The following CTNNA2 variants were observed in gnomAD, a reference collection of about 807,000 sequenced individuals.
The protein encoded by CTNNA2 is catenin alpha 2, also known as catenin alpha-2.
CTNNA2 carries 42 observed loss-of-function variants against 101.0 expected under a neutral mutation model. The observed-to-expected ratio is 0.42, with a 90% CI of 0.32 to 0.54. CTNNA2 has a LOEUF of 0.54. CTNNA2 is among the 20% of genes least tolerant of loss of function. CTNNA2 has a pLI of 0.14. For missense variants in CTNNA2, 871 were observed against 1,223.1 expected (o/e 0.71, Z 4.29); for synonymous variants, 450 against 456.4 (o/e 0.99, Z 0.18).
chr2:80,261,225 A>G (rs1056690575), intron 7 of CTNNA2, among the ~76,000 whole-genome samples: 1 of 152,112 alleles, frequency 6.6e-6, no homozygotes, highest in Non-Finnish European at 1.5e-5. Flanking sequence ...TGTATTTGCT[A>G]ACTTTATTTT....
At chr2:80,050,679 A>T (rs1696818360) in intron 7 of CTNNA2, among the ~76,000 whole-genome samples, 1 of 152,062 alleles carries the variant, frequency 6.6e-6, no homozygotes, top group Non-Finnish European at 1.5e-5. Flanking sequence ...ACCCTAACTG[A>T]AGAGAACATT....
intron 7 of CTNNA2, among the ~76,000 whole-genome samples, chr2:80,320,915 T>C (rs1678614953): frequency 6.6e-6 from 1 of 152,164 alleles, no homozygotes; most frequent in Non-Finnish European, 1.5e-5. Context: ...CCAAAATATG[T>C]CTCCACATTT....
At chr2:79,792,812 A>G (rs1675389407) in intron 3 of CTNNA2, among the ~76,000 whole-genome samples, 1 of 152,204 alleles carries the variant, frequency 6.6e-6, no homozygotes, top group South Asian at 2.1e-4. Context: ...CAACAAAATG[A>G]CACATTTCTG....
intron 7 of CTNNA2, among the ~76,000 whole-genome samples, chr2:80,110,518 A>C (rs1313798540): frequency 6.6e-6 from 1 of 152,152 alleles, no homozygotes; most frequent in Non-Finnish European, 1.5e-5. Flanking sequence ...AATAAATGCT[A>C]TGAGAATTAA....
chr2:79,376,342 C>T (rs948760833), intron 4 of CTNNA2, among the ~76,000 whole-genome samples: 2 of 152,094 alleles, frequency 1.3e-5, no homozygotes, highest in Middle Eastern at 3.2e-3. Flanking sequence ...TTCTAAGCCC[C>T]ATGTGGTTTC....
intron 1 of CTNNA2, among the ~76,000 whole-genome samples, chr2:79,636,019 T>C (rs1318819978): frequency 6.8e-6 from 1 of 147,930 alleles, no homozygotes; most frequent in Admixed American, 6.7e-5. Context: ...CCCAGCACTT[T>C]GGGAGGCTGA....
At chr2:79,888,093 G>A (rs925458773) in intron 6 of CTNNA2, among the ~76,000 whole-genome samples, 1 of 152,164 alleles carries the variant, frequency 6.6e-6, no homozygotes. Context: ...GTCTACCTAT[G>A]ACAACCTTCT....
chr2:79,756,052 AGCTGAGGGCC>A (rs745524346), intron 3 of CTNNA2, among the ~76,000 whole-genome samples: 21,797 of 152,144 alleles, frequency 0.14, 1,654 homozygotes, highest in Middle Eastern at 0.22. Flanking sequence ...AGTTTGCATT[AGCTGAGGGCC>A]CAGGAGTACT....
intron 7 of CTNNA2, among the ~76,000 whole-genome samples, chr2:80,143,310 T>A (rs12465791): frequency 0.13 from 19,947 of 152,220 alleles, 2,175 homozygotes; most frequent in African/African-American, 0.3. Context: ...TTTGGGACTG[T>A]CAAATCATAA....
At chr2:79,377,995 A>G (rs955432934) in intron 4 of CTNNA2, among the ~76,000 whole-genome samples, 2 of 152,114 alleles carry the variant, frequency 1.3e-5, no homozygotes, top group African/African-American at 4.8e-5. Flanking sequence ...CATTCTTGAC[A>G]TGCATGTGGC....
rs555676991 is a variant in CTNNA2 at position 79,415,131 on chromosome 2, A to G, written c.-135+41118A>G. On this transcript the variant is annotated intron_variant, in intron 4 of 21. Coordinates refer to the CTNNA2 transcript ENST00000466387. The stretch of plus-strand genomic sequence containing the variant: ...AATGGGGCCTAATGGGAGGTATTGG[A>G]TCATGGCAATAGGTCCCTCATGAAT... Among the ~76,000 whole-genome samples, 3 of 152,212 alleles carry G rather than the reference A, an allele frequency of 2.0e-5. No homozygotes were observed. The East Asian group carries it at 5.8e-4, about 30-fold the overall frequency.
intron 4 of CTNNA2, among the ~76,000 whole-genome samples, chr2:79,375,974 C>T (rs1240136171): frequency 6.6e-6 from 1 of 152,148 alleles, no homozygotes; most frequent in Non-Finnish European, 1.5e-5. Context: ...AATCTGCATC[C>T]TACCAAGAGA....
chr2:80,366,622 T>C (rs1674960710), intron 7 of CTNNA2, among the ~76,000 whole-genome samples: 1 of 152,132 alleles, frequency 6.6e-6, no homozygotes, highest in Admixed American at 6.6e-5. Context: ...CCACCAGATA[T>C]TGGATCAGCC....
At chr2:79,476,373 G>A in intron 4 of CTNNA2, among the ~76,000 whole-genome samples, 1 of 151,066 alleles carries the variant, frequency 6.6e-6, no homozygotes, top group African/African-American at 2.5e-5. Flanking sequence ...AGAGAACTGG[G>A]CTGAAGGGAG....
At chr2:79,509,136 A>G (rs1671482066), upstream of CTNNA2, among the ~76,000 whole-genome samples, 1 of 151,860 alleles carries the variant, frequency 6.6e-6, no homozygotes, top group Admixed American at 6.6e-5. Flanking sequence ...AGTAAAAGGA[A>G]TACATAAAAC....
At chr2:80,154,966 A>G (rs1703920624) in intron 7 of CTNNA2, among the ~76,000 whole-genome samples, 1 of 152,226 alleles carries the variant, frequency 6.6e-6, no homozygotes, top group Non-Finnish European at 1.5e-5. Context: ...TATAGCCAAT[A>G]CATGTTGAGA....
intron 7 of CTNNA2, among the ~76,000 whole-genome samples, chr2:80,225,190 A>T (rs1474641429): frequency 6.6e-6 from 1 of 152,086 alleles, no homozygotes; most frequent in East Asian, 1.9e-4. Flanking sequence ...CAGCAGGTTC[A>T]CTCTCAGAGC....
At chr2:80,245,911 C>T (rs1671295882) in intron 7 of CTNNA2, among the ~76,000 whole-genome samples, 2 of 146,194 alleles carry the variant, frequency 1.4e-5, no homozygotes, top group Admixed American at 1.4e-4. Flanking sequence ...TCTCCTGCCT[C>T]AGCCTTCCGA....
intron 9 of CTNNA2, among the ~76,000 whole-genome samples, chr2:80,490,287 C>CCA (rs1553535579): frequency 1.1e-5 from 1 of 94,078 alleles, no homozygotes; most frequent in Admixed American, 1.6e-4. Flanking sequence ...CCCACCCCCC[C>CCA]CCCGGTAAAG....
Sources: allele counts gnomAD v4.1 joint callset (sites outside exome capture counted in the v4.1 genomes callset), GRCh38; gene constraint gnomAD v4.1.1; transcripts MANE v1.5; gene names NCBI Gene and HGNC (gene_info 2026-07-23, HGNC 2026-07-21).